CERKL: variants seen among roughly 807,000 people sequenced by gnomAD.
CERKL encodes ceramide kinase-like protein.
In CERKL, 61 loss-of-function variants were observed where a neutral mutation model predicts 63.4. That is an observed-to-expected ratio of 0.96 (90% CI 0.78 to 1.19). The LOEUF is 1.19. Ranked by LOEUF, CERKL falls within the 50% of genes most tolerant of loss-of-function variation. CERKL has a pLI of 0.00. For synonymous variants in CERKL, 250 were observed against 230.5 expected (o/e 1.08, Z -0.77); for missense variants, 675 against 655.5 (o/e 1.03, Z -0.33).
chr2:181,538,236 G>A lies in CERKL; in HGVS notation c.1547C>T (p.Pro516Leu). The change falls in exon 13 of 13, where the codon CCA becomes CTA. Residue 516 changes from proline to leucine, a missense_variant. Physicochemically the swap from Pro to Leu is moderately conservative, Grantham distance 98. Coordinates refer to ENST00000410087, the MANE Select transcript of CERKL (RefSeq NM_201548.5). The part of the protein sequence containing the change: ...VASEVHIRLH[P>L]RLISLYGGSM... Reference sequence around the variant, plus strand: ...TCCTCCATAAAGACTGATAAGTCTTGGATGCAATCTGTAAAGAAAATACAT... The same window carrying A: ...TCCTCCATAAAGACTGATAAGTCTTAGATGCAATCTGTAAAGAAAATACAT... 3 of 1,573,384 alleles carry A rather than the reference G, an allele frequency of 1.9e-6. No homozygotes were observed. The highest frequency in any genetic ancestry group is 2.6e-6 in the Non-Finnish European group (3 of 1,144,180).
chr2:181,575,841 C>G (rs1395094545), intron 2 of CERKL, among the ~76,000 whole-genome samples: 8 of 152,166 alleles, frequency 5.3e-5, no homozygotes, highest in African/African-American at 1.9e-4. Context: ...CACCCCATCC[C>G]CACTTTTGTC....
chr2:181,568,650 A>C (rs950222199), intron 3 of CERKL, among the ~76,000 whole-genome samples: 1 of 151,594 alleles, frequency 6.6e-6, no homozygotes, highest in African/African-American at 2.4e-5. Context: ...GTTCAAAGTA[A>C]ATGCTCATTG....
intron 1 of CERKL, among the ~76,000 whole-genome samples, chr2:181,628,317 C>T (rs1464030383): frequency 2.6e-5 from 4 of 152,096 alleles, no homozygotes; most frequent in Admixed American, 1.3e-4. Context: ...GGAGCTCTGT[C>T]GTACTTTACC....
intron 5 of CERKL, 41 bp from the exon 6 acceptor site, chr2:181,549,749 T>C: frequency 7.5e-7 from 1 of 1,333,402 alleles, no homozygotes; most frequent in East Asian, 2.3e-5. Flanking sequence ...TAGGGTAGAA[T>C]GTGTTCAAAC....
intron 1 of CERKL, among the ~76,000 whole-genome samples, chr2:181,653,106 T>C (rs940634029): frequency 2.0e-5 from 3 of 152,166 alleles, no homozygotes; most frequent in African/African-American, 7.2e-5. Context: ...ACGACTTTAA[T>C]TGATAGGTCT....
chr2:181,628,954 T>C (rs999053554), intron 1 of CERKL, among the ~76,000 whole-genome samples: 3 of 152,196 alleles, frequency 2.0e-5, no homozygotes, highest in African/African-American at 7.2e-5. Context: ...CACGCTTCTA[T>C]GTCTACTTTA....
At position 181,538,066 on chromosome 2, in the gene CERKL, A is replaced by C; in HGVS notation, c.*118T>G. On this transcript the variant is annotated 3_prime_UTR_variant, in exon 13 of 13. Transcript: ENST00000410087. Reference sequence around the variant, plus strand: ...CTGAAACCATTCCCCCATCCACGGAAAAATTGTCTTCCATGAAACTGGTCC... The same window carrying C: ...CTGAAACCATTCCCCCATCCACGGACAAATTGTCTTCCATGAAACTGGTCC... 1 of 724,882 alleles carries C rather than the reference A, an allele frequency of 1.4e-6. No individual in the cohort carries two copies. The highest frequency in any genetic ancestry group is 2.5e-6 in the Non-Finnish European group (1 of 393,606). 44.9% of individuals were successfully genotyped at this position (724,882 alleles called of 1,614,324 possible). A position where few individuals can be genotyped will look rare whatever the true frequency, so the allele number is the denominator to read the frequency against.
At chr2:181,627,817 G>A (rs567657976) in intron 1 of CERKL, among the ~76,000 whole-genome samples, 3 of 152,184 alleles carry the variant, frequency 2.0e-5, no homozygotes, top group South Asian at 4.2e-4. Context: ...TAGATGTTGC[G>A]ATAGCACACC....
At chr2:181,615,684 A>G (rs1686160486) in intron 1 of CERKL, among the ~76,000 whole-genome samples, 1 of 152,242 alleles carries the variant, frequency 6.6e-6, no homozygotes, top group Non-Finnish European at 1.5e-5. Flanking sequence ...TTCTGTTTGA[A>G]TACACCACAT....
intron 2 of CERKL, among the ~76,000 whole-genome samples, chr2:181,591,975 G>A (rs56695462): frequency 0.18 from 27,855 of 152,026 alleles, 4,108 homozygotes; most frequent in African/African-American, 0.41. Context: ...CTGTTGTGCC[G>A]AAAAGTGAGA....
In CERKL at chr2:181,537,660, T is replaced by TATTTCAGAATTATCTAGGTTAAA. The variant is rs1559064326; in HGVS notation, c.*501_*523dup. 1 of 435,000 alleles carries TATTTCAGAATTATCTAGGTTAAA rather than the reference T, an allele frequency of 2.3e-6. No individual in the cohort carries two copies. Among genetic ancestry groups the TATTTCAGAATTATCTAGGTTAAA allele is most frequent in the Non-Finnish European group, 4.5e-6 (1 of 220,340 alleles). The allele number at this position is 435,000 out of a possible 1,614,324, so 26.9% of individuals were successfully genotyped here. A position where few individuals can be genotyped will look rare whatever the true frequency, so the allele number is the denominator to read the frequency against. On this transcript the variant is annotated 3_prime_UTR_variant, in exon 13 of 13. Coordinates refer to ENST00000410087, the MANE Select transcript of CERKL (RefSeq NM_201548.5). ...TCCTGAAAAATGAAAGAATCCAAAT[T>TATTTCAGAATTATCTAGGTTAAA]ATTTCAGAATTATCTAGGTTAAATA...
intron 1 of CERKL, among the ~76,000 whole-genome samples, chr2:181,625,972 T>C (rs2105923970): frequency 6.6e-6 from 1 of 152,324 alleles, no homozygotes; most frequent in African/African-American, 2.4e-5. Flanking sequence ...AGATTAATTG[T>C]GTCAGTGAAT....
chr2:181,640,853 G>A (rs1012190603), intron 1 of CERKL, among the ~76,000 whole-genome samples: 2 of 152,150 alleles, frequency 1.3e-5, no homozygotes, highest in Non-Finnish European at 2.9e-5. Context: ...CTCAATTTGT[G>A]TGTCCCTTGG....
At chr2:181,583,442 T>C (rs921557212) in intron 2 of CERKL, among the ~76,000 whole-genome samples, 29 of 152,200 alleles carry the variant, frequency 1.9e-4, no homozygotes, top group African/African-American at 7.0e-4. Flanking sequence ...CTAGAACTTA[T>C]GAAGTATTCT....
chr2:181,565,838 A>G (rs555464511), intron 4 of CERKL, among the ~76,000 whole-genome samples: 1 of 152,266 alleles, frequency 6.6e-6, no homozygotes, highest in African/African-American at 2.4e-5. Context: ...GTATTTTAAT[A>G]ATTAGATTCC....
intron 5 of CERKL, among the ~76,000 whole-genome samples, chr2:181,556,196 T>C (rs1688195973): frequency 6.6e-6 from 1 of 151,852 alleles, no homozygotes; most frequent in South Asian, 2.1e-4. Flanking sequence ...AGTAATGCTA[T>C]TTTGCCTAAT....
At chr2:181,649,000 AAAG>A (rs1282932239) in intron 1 of CERKL, among the ~76,000 whole-genome samples, 3 of 152,230 alleles carry the variant, frequency 2.0e-5, no homozygotes, top group African/African-American at 4.8e-5. Context: ...AACAAGAGAG[AAAG>A]AAGAACTGAG....
intron 1 of CERKL, among the ~76,000 whole-genome samples, chr2:181,651,627 T>C (rs1687943173): frequency 6.6e-6 from 1 of 152,150 alleles, no homozygotes; most frequent in Admixed American, 6.5e-5. Flanking sequence ...GGATGGCCAC[T>C]TACACAATTT....
rs141310943 is a variant in CERKL, at chr2:181,552,722, T to TG, written c.821-3015dup. Among the ~76,000 whole-genome samples, 1,416 of 152,322 alleles carry TG rather than the reference T, an allele frequency of 9.3e-3. 65 individuals are homozygous for TG. The South Asian group carries it at 0.15, about 16-fold the overall frequency. ...GTATGTGATCATTATGTCAATTTTA[T>TG]GCATGTTTATCTTTATTTAGCCATT... On this transcript the variant is annotated intron_variant, in intron 5 of 12. Coordinates refer to ENST00000410087, the MANE Select transcript of CERKL (RefSeq NM_201548.5).
Sources: allele counts gnomAD v4.1 joint callset (sites outside exome capture counted in the v4.1 genomes callset), GRCh38; gene constraint gnomAD v4.1.1; transcripts MANE v1.5; gene names NCBI Gene and HGNC (gene_info 2026-07-23, HGNC 2026-07-21).